The following MAGI1 variants were observed in gnomAD, a reference collection of about 807,000 sequenced individuals.
The protein encoded by MAGI1 is membrane-associated guanylate kinase, WW and PDZ domain-containing protein 1.
Under a neutral mutation model 139.9 loss-of-function variants are expected in MAGI1, and 58 were observed. The ratio of observed to expected loss-of-function variants is 0.41; its 90% CI spans 0.34 to 0.52. The LOEUF (loss-of-function observed/expected upper bound fraction) is 0.52, where lower values mean the gene tolerates loss of function less well. Ranked by LOEUF, MAGI1 falls within the 20% of genes least tolerant of loss-of-function variation. The probability of loss-of-function intolerance (pLI) is 0.12; values close to 1 mark genes in which losing one functional copy is unlikely to be tolerated. For synonymous variants in MAGI1, 812 were observed against 737.9 expected, an observed-to-expected ratio of 1.10 and a Z score of -1.63; for missense variants, 1,874 against 1,901.6, an observed-to-expected ratio of 0.99 and a Z score of 0.27.
rs1324173517 is a variant in MAGI1, at chr3:66,010,096, AAAAAAAAAG to A, written c.313+27891_313+27899del. On this transcript the variant is annotated intron_variant, in intron 1 of 22. Coordinates refer to ENST00000402939, the MANE Select transcript of MAGI1 (RefSeq NM_001033057.2). ...CTGTCTCAAAAAAAAAAAAAAAAAA[AAAAAAAAAG>A]AATCATTGTTTATTTTTAAAAACAA... 1.5e-4 allele frequency among the ~76,000 whole-genome samples: 23 copies of A among 150,432 alleles called. No homozygotes were observed. The East Asian group carries it at 4.3e-3, about 28-fold the overall frequency.
chr3:65,482,959 C>T (rs562640348), intron 3 of MAGI1, among the ~76,000 whole-genome samples: 1 of 152,296 alleles, frequency 6.6e-6, no homozygotes, highest in South Asian at 2.1e-4. Flanking sequence ...ATTTTTGCTC[C>T]TCCTCTTGGT....
rs578193998 is a variant in MAGI1, at chr3:65,790,484, C to T, written c.314-168396G>A. On this transcript the variant is annotated intron_variant, in intron 1 of 22. Transcript: ENST00000402939. ...TTGAAGTCCAGTAATGGTCCTTCTC[C>T]TTTTACTAAAAGCCAAATTAGATGG... Among the ~76,000 whole-genome samples the T allele has an allele frequency of 9.2e-5, 14 of 152,272 alleles. No homozygotes were observed. The South Asian group carries it at 2.7e-3, about 29-fold the overall frequency.
At chr3:65,848,430 T>C (rs1288672655) in intron 1 of MAGI1, among the ~76,000 whole-genome samples, 3 of 152,158 alleles carry the variant, frequency 2.0e-5, no homozygotes, top group East Asian at 1.9e-4. Context: ...CCTGGCCCCA[T>C]GGACCTATTA....
intron 5 of MAGI1, among the ~76,000 whole-genome samples, chr3:65,460,487 T>G (rs556754616): frequency 6.6e-6 from 1 of 152,286 alleles, no homozygotes. Context: ...TCTTTTTTTT[T>G]TGTGATGAGT....
chr3:66,009,829 G>A (rs546728811), intron 1 of MAGI1, among the ~76,000 whole-genome samples: 2 of 152,152 alleles, frequency 1.3e-5, no homozygotes, highest in East Asian at 3.9e-4. Flanking sequence ...CACTTTGGGA[G>A]GCCGAGATAG....
At chr3:65,688,044 A>C in intron 1 of MAGI1, 1 of 794,488 alleles carries the variant, frequency 1.3e-6, no homozygotes, top group Non-Finnish European at 2.2e-6. Flanking sequence ...TCCTAGGCCT[A>C]CTAAGTCATT....
At chr3:66,014,429 A>C (rs1205143800) in intron 1 of MAGI1, among the ~76,000 whole-genome samples, 1 of 152,182 alleles carries the variant, frequency 6.6e-6, no homozygotes, top group African/African-American at 2.4e-5. Flanking sequence ...ATCTGTTTAC[A>C]TGTCAGGACA....
chr3:65,710,251 CT>C (rs1323631981), intron 1 of MAGI1, among the ~76,000 whole-genome samples: 2 of 135,748 alleles, frequency 1.5e-5, no homozygotes, highest in Non-Finnish European at 3.2e-5. Context: ...TGGTGAATCA[CT>C]TATTAACCTT....
In MAGI1 at chr3:65,868,777, A is replaced by G. The variant is rs576174755; in HGVS notation, c.313+169219T>C. 2.6e-5 allele frequency among the ~76,000 whole-genome samples: 4 copies of G among 152,320 alleles called. No homozygotes were observed. In the South Asian group the frequency reaches 8.3e-4, roughly 32 times the overall value. ...AAAGACTTGTTAAATGAGTTCTTAA[A>G]CAATTGTAGCTAGATTCTAAGACAA... On this transcript the variant is annotated intron_variant, in intron 1 of 22. Transcript: ENST00000402939.
intron 2 of MAGI1, among the ~76,000 whole-genome samples, chr3:65,576,385 C>G (rs2081178456): frequency 6.6e-6 from 1 of 152,094 alleles, no homozygotes; most frequent in Non-Finnish European, 1.5e-5. Context: ...CTTGTCAATC[C>G]TACGTAGACA....
At chr3:65,636,561 A>G (rs1559742121) in intron 1 of MAGI1, among the ~76,000 whole-genome samples, 1 of 152,204 alleles carries the variant, frequency 6.6e-6, no homozygotes, top group Admixed American at 6.5e-5. Context: ...CACATCTGCC[A>G]TCCTGGTTTC....
chr3:65,889,071 C>T (rs75368831), intron 1 of MAGI1, among the ~76,000 whole-genome samples: 1,581 of 152,208 alleles, frequency 0.01, 6 homozygotes, highest in Non-Finnish European at 0.017. Context: ...TAGCAGTTTT[C>T]CAAAACCAAG....
At chr3:65,611,183 CAT>C (rs1445664913) in intron 2 of MAGI1, among the ~76,000 whole-genome samples, 5 of 139,936 alleles carry the variant, frequency 3.6e-5, no homozygotes, top group African/African-American at 1.3e-4. Flanking sequence ...TGTATATACA[CAT>C]ATGGTATATA....
chr3:65,657,420 C>A (rs1451737932), intron 1 of MAGI1, among the ~76,000 whole-genome samples: 2 of 141,734 alleles, frequency 1.4e-5, no homozygotes, highest in Non-Finnish European at 3.1e-5. Context: ...AACAGTGAGA[C>A]CCCCATCTCT....
intron 2 of MAGI1, among the ~76,000 whole-genome samples, chr3:65,572,992 C>T (rs763479776): frequency 1.3e-5 from 2 of 151,870 alleles, no homozygotes; most frequent in Non-Finnish European, 2.9e-5. Context: ...TAGACTTGCA[C>T]GTATTTTGAC....
At chr3:65,493,268 C>T (rs1952189537) in intron 3 of MAGI1, among the ~76,000 whole-genome samples, 1 of 152,058 alleles carries the variant, frequency 6.6e-6, no homozygotes, top group African/African-American at 2.4e-5. Flanking sequence ...AAAACACACC[C>T]ACATACTTGA....
chr3:65,446,018 C>T (rs1387560968), intron 7 of MAGI1, among the ~76,000 whole-genome samples: 1 of 152,160 alleles, frequency 6.6e-6, no homozygotes, highest in Non-Finnish European at 1.5e-5. Flanking sequence ...CTACTCTTTA[C>T]ACAGTGGACA....
intron 1 of MAGI1, among the ~76,000 whole-genome samples, chr3:65,920,435 C>T (rs1560014028): frequency 6.6e-6 from 1 of 152,202 alleles, no homozygotes; most frequent in Non-Finnish European, 1.5e-5. Flanking sequence ...GTATGAATTT[C>T]TAATCCTGAA....
chr3:65,633,333 T>C (rs1576545256), intron 1 of MAGI1, among the ~76,000 whole-genome samples: 1 of 152,166 alleles, frequency 6.6e-6, no homozygotes, highest in East Asian at 1.9e-4. Context: ...ACTATTGTTC[T>C]TTTAGTCATG....
Sources: allele counts gnomAD v4.1 joint callset (sites outside exome capture counted in the v4.1 genomes callset), GRCh38; gene constraint gnomAD v4.1.1; transcripts MANE v1.5; gene names NCBI Gene and HGNC (gene_info 2026-07-23, HGNC 2026-07-21).